The following OSBPL10 variants were observed in gnomAD, a reference collection of about 807,000 sequenced individuals.
OSBPL10 encodes oxysterol-binding protein-related protein 10.
Under a neutral mutation model 81.7 loss-of-function variants are expected in OSBPL10, and 49 were observed. That is an observed-to-expected ratio of 0.60 (90% CI 0.48 to 0.76). The LOEUF is 0.76. OSBPL10 is among the 30% of genes least tolerant of loss of function. The pLI is 0.00. For missense variants in OSBPL10, 923 were observed against 987.8 expected (o/e 0.93, Z 0.88); for synonymous variants, 419 against 383.6 (o/e 1.09, Z -1.08).
intron 3 of OSBPL10, among the ~76,000 whole-genome samples, chr3:31,862,189 T>A (rs1489017211): frequency 6.6e-6 from 1 of 152,142 alleles, no homozygotes; most frequent in African/African-American, 2.4e-5. Flanking sequence ...TTTTTTTTAA[T>A]TTTTTTAAAG....
At chr3:31,902,258 ATT>A (rs574112153) in intron 1 of OSBPL10, among the ~76,000 whole-genome samples, 4,616 of 117,878 alleles carry the variant, frequency 0.039, 127 homozygotes, top group African/African-American at 0.1. Flanking sequence ...TCTTGTCAGT[ATT>A]TTTTTTTTTT....
chr3:31,703,616 C>G (rs144816050), intron 6 of OSBPL10: 1 of 152,134 alleles, frequency 6.6e-6, no homozygotes, highest in African/African-American at 2.4e-5. Context: ...CCTTACATAC[C>G]CACACGGACC....
At chr3:31,739,830 T>C (rs1489905103) in intron 5 of OSBPL10, among the ~76,000 whole-genome samples, 1 of 152,282 alleles carries the variant, frequency 6.6e-6, no homozygotes, top group Non-Finnish European at 1.5e-5. Context: ...ACTGTCTTTA[T>C]GTAAACTTTT....
chr3:31,730,273 G>C (rs988850666), intron 6 of OSBPL10, among the ~76,000 whole-genome samples: 1 of 151,864 alleles, frequency 6.6e-6, no homozygotes, highest in Non-Finnish European at 1.5e-5. Context: ...CCCGGGAGGC[G>C]GAGGTTGCAG....
intron 6 of OSBPL10, chr3:31,733,036 C>G: frequency 8.4e-6 from 5 of 592,198 alleles, no homozygotes; most frequent in Non-Finnish European, 1.4e-5. Context: ...GGAGATTCCT[C>G]ATTCGTAGGA....
At chr3:31,726,881 T>A (rs1696824253) in intron 6 of OSBPL10, among the ~76,000 whole-genome samples, 1 of 151,722 alleles carries the variant, frequency 6.6e-6, no homozygotes, top group Admixed American at 6.6e-5. Context: ...TCTCACTCTG[T>A]CACCAAGGTT....
At chr3:31,971,975 C>T (rs1698578781) in intron 1 of OSBPL10, among the ~76,000 whole-genome samples, 1 of 152,156 alleles carries the variant, frequency 6.6e-6, no homozygotes, top group African/African-American at 2.4e-5. Flanking sequence ...TGGCATTTGA[C>T]ATATACATAA....
chr3:31,711,708 G>A (rs1004020485), intron 6 of OSBPL10, among the ~76,000 whole-genome samples: 1 of 152,122 alleles, frequency 6.6e-6, no homozygotes, highest in Non-Finnish European at 1.5e-5. Context: ...GGGTGGAATG[G>A]GGGTGACAGC....
chr3:31,955,299 T>C (rs778123355), intron 1 of OSBPL10, among the ~76,000 whole-genome samples: 22 of 152,234 alleles, frequency 1.4e-4, no homozygotes, highest in Non-Finnish European at 2.9e-4. Context: ...CCCTGCAAGG[T>C]AGGCATATCA....
At chr3:31,795,239 G>A (rs942661839) in intron 4 of OSBPL10, 6 of 146,462 alleles carry the variant, frequency 4.1e-5, no homozygotes, top group African/African-American at 1.5e-4. Flanking sequence ...CCGCCTCCCG[G>A]GTTGAAGCGA....
chr3:31,779,783 T>C (rs1698640913), intron 4 of OSBPL10, among the ~76,000 whole-genome samples: 2 of 152,188 alleles, frequency 1.3e-5, no homozygotes, highest in Non-Finnish European at 2.9e-5. Context: ...ATACTCAAGA[T>C]AGACCATATG....
At chr3:31,864,012 T>C (rs1701117699) in intron 3 of OSBPL10, among the ~76,000 whole-genome samples, 1 of 152,170 alleles carries the variant, frequency 6.6e-6, no homozygotes, top group African/African-American at 2.4e-5. Context: ...GAACATGCAC[T>C]AACTGGTTTA....
intron 8 of OSBPL10, among the ~76,000 whole-genome samples, chr3:31,674,583 T>TTAGATAGA (rs55696700): frequency 0.026 from 3,876 of 147,906 alleles, 65 homozygotes; most frequent in Admixed American, 0.035. Flanking sequence ...GATAGATAGA[T>TTAGATAGA]TAGATAGATA....
At chr3:31,684,441 G>A (rs1700739535) in intron 7 of OSBPL10, among the ~76,000 whole-genome samples, 1 of 152,212 alleles carries the variant, frequency 6.6e-6, no homozygotes, top group African/African-American at 2.4e-5. Flanking sequence ...GAGATGTGAA[G>A]AAAACAGCCT....
At chr3:31,672,402 G>GAGAGAACA (rs1309204657) in intron 8 of OSBPL10, among the ~76,000 whole-genome samples, 1 of 120,006 alleles carries the variant, frequency 8.3e-6, no homozygotes, top group Non-Finnish European at 1.8e-5. Context: ...GAGGGAGAGA[G>GAGAGAACA]AGAGAACACA....
intron 2 of OSBPL10, among the ~76,000 whole-genome samples, chr3:32,024,357 C>A (rs991136213): frequency 6.6e-6 from 1 of 151,982 alleles, no homozygotes; most frequent in Middle Eastern, 3.4e-3. Context: ...TTATTTATAT[C>A]TTCTTTAATT....
At chr3:31,969,875 A>G (rs1698504703) in intron 1 of OSBPL10, among the ~76,000 whole-genome samples, 1 of 151,854 alleles carries the variant, frequency 6.6e-6, no homozygotes, top group African/African-American at 2.4e-5. Flanking sequence ...AAAAAGAAAA[A>G]AAAAAAACAC....
intron 2 of OSBPL10, among the ~76,000 whole-genome samples, chr3:32,025,710 A>C (rs1269628675): frequency 6.6e-6 from 1 of 152,158 alleles, no homozygotes; most frequent in Non-Finnish European, 1.5e-5. Context: ...CAAGCCAGTA[A>C]TTTACATCTT....
chr3:32,076,354 T>A (rs1266965152), intron 1 of OSBPL10, among the ~76,000 whole-genome samples: 5 of 149,674 alleles, frequency 3.3e-5, no homozygotes, highest in Non-Finnish European at 5.9e-5. Context: ...GGCAACAGAG[T>A]GAGACTCCAT....
Sources: allele counts gnomAD v4.1 joint callset (sites outside exome capture counted in the v4.1 genomes callset), GRCh38; gene constraint gnomAD v4.1.1; transcripts MANE v1.5; gene names NCBI Gene and HGNC (gene_info 2026-07-23, HGNC 2026-07-21).